DPYD: variants seen among roughly 807,000 people sequenced by gnomAD.
The protein encoded by DPYD is dihydropyrimidine dehydrogenase.
In DPYD, 109 loss-of-function variants were observed where a neutral mutation model predicts 116.2. That is an observed-to-expected ratio of 0.94 (90% CI 0.80 to 1.10). DPYD has a LOEUF of 1.10. DPYD is among the 50% of genes least tolerant of loss of function. The pLI is 0.00. For missense variants in DPYD, 1,302 were observed against 1,254.5 expected, an observed-to-expected ratio of 1.04 and a Z score of -0.57; for synonymous variants, 440 against 432.0, an observed-to-expected ratio of 1.02 and a Z score of -0.23.
At chr1:97,555,418 T>A (rs1005411600) in intron 11 of DPYD, among the ~76,000 whole-genome samples, 1 of 152,160 alleles carries the variant, frequency 6.6e-6, no homozygotes, top group African/African-American at 2.4e-5. Flanking sequence ...GATTATAACC[T>A]GTATGCTCTA....
chr1:97,489,384 T>C (rs982381539), intron 13 of DPYD, among the ~76,000 whole-genome samples: 39 of 152,170 alleles, frequency 2.6e-4, no homozygotes, highest in African/African-American at 8.9e-4. Context: ...CTATACACAA[T>C]ACTCCCAGAG....
chr1:97,747,283 T>C (rs1363307447), intron 3 of DPYD, among the ~76,000 whole-genome samples: 5 of 152,146 alleles, frequency 3.3e-5, no homozygotes, highest in African/African-American at 7.2e-5. Flanking sequence ...AGTAGATATG[T>C]TGGCACTAAA....
intron 2 of DPYD, among the ~76,000 whole-genome samples, chr1:97,861,175 T>C (rs965354595): frequency 1.3e-5 from 2 of 152,008 alleles, no homozygotes; most frequent in South Asian, 2.1e-4. Context: ...AACTATTTTG[T>C]ACTAGTAAAA....
intron 13 of DPYD, among the ~76,000 whole-genome samples, chr1:97,474,027 A>G (rs1340608278): frequency 2.6e-5 from 4 of 151,522 alleles, no homozygotes; most frequent in Admixed American, 6.6e-5. Context: ...AAAAAAAAAA[A>G]AAAAAGGAAA....
chr1:97,721,011 T>C (rs1358175861), intron 5 of DPYD: 2 of 1,522,446 alleles, frequency 1.3e-6, no homozygotes, highest in African/African-American at 2.8e-5. Context: ...TTCCAATCTA[T>C]AAGTTCACAA....
chr1:97,226,359 C>T (rs114837435), intron 19 of DPYD, among the ~76,000 whole-genome samples: 1,573 of 152,086 alleles, frequency 0.01, 24 homozygotes, highest in African/African-American at 0.036. Context: ...CTCATTTTTA[C>T]TCCACATAGT....
chr1:97,684,093 C>T (rs1262538240), intron 7 of DPYD, among the ~76,000 whole-genome samples: 1 of 152,136 alleles, frequency 6.6e-6, no homozygotes, highest in Non-Finnish European at 1.5e-5. Flanking sequence ...GGATATTTTT[C>T]TCTTGCTTGT....
chr1:97,900,878 TGC>T (rs1302529313), intron 1 of DPYD, among the ~76,000 whole-genome samples: 2 of 151,850 alleles, frequency 1.3e-5, no homozygotes, highest in Admixed American at 1.3e-4. Flanking sequence ...AGATACACCA[TGC>T]AAAACACCCT....
At chr1:97,155,125 G>A (rs1034829605) in intron 20 of DPYD, among the ~76,000 whole-genome samples, 38 of 152,102 alleles carry the variant, frequency 2.5e-4, no homozygotes, top group Admixed American at 3.9e-4. Context: ...ACGTATATGT[G>A]GCCTGAATAG....
chr1:97,415,756 C>A (rs2101681368), intron 14 of DPYD, among the ~76,000 whole-genome samples: 1 of 152,308 alleles, frequency 6.6e-6, no homozygotes, highest in Non-Finnish European at 1.5e-5. Context: ...ATCATCCATT[C>A]TCTGTGATAA....
At chr1:97,411,749 GC>G (rs1450217462) in intron 14 of DPYD, among the ~76,000 whole-genome samples, 24 of 152,146 alleles carry the variant, frequency 1.6e-4, no homozygotes, top group Non-Finnish European at 2.9e-4. Flanking sequence ...CTTCTCAGAA[GC>G]ATGACAAAGT....
chr1:97,745,194 T>A (rs1664481926), intron 3 of DPYD, among the ~76,000 whole-genome samples: 1 of 152,094 alleles, frequency 6.6e-6, no homozygotes, highest in African/African-American at 2.4e-5. Flanking sequence ...TAAATATGCA[T>A]CTTGGCTCAG....
At chr1:97,907,035 T>C (rs1673664488) in intron 1 of DPYD, among the ~76,000 whole-genome samples, 1 of 152,018 alleles carries the variant, frequency 6.6e-6, no homozygotes, top group Admixed American at 6.6e-5. Context: ...GGTTACTAAG[T>C]GACTAGCAGG....
At chr1:97,668,738 G>C (rs1220139397) in intron 8 of DPYD, among the ~76,000 whole-genome samples, 2 of 151,890 alleles carry the variant, frequency 1.3e-5, no homozygotes, top group African/African-American at 4.8e-5. Context: ...CTTAACCAGG[G>C]AGAAATTAAA....
At chr1:97,825,920 G>A (rs1021063290) in intron 3 of DPYD, among the ~76,000 whole-genome samples, 1 of 152,018 alleles carries the variant, frequency 6.6e-6, no homozygotes, top group African/African-American at 2.4e-5. Flanking sequence ...AGCATATTCC[G>A]AACACATTTT....
chr1:97,360,354 T>A (rs1670654026), intron 16 of DPYD, among the ~76,000 whole-genome samples: 1 of 152,096 alleles, frequency 6.6e-6, no homozygotes, highest in South Asian at 2.1e-4. Flanking sequence ...AATGGGAGAT[T>A]TTAACACCCC....
intron 8 of DPYD, among the ~76,000 whole-genome samples, chr1:97,623,719 A>C (rs1343400923): frequency 6.6e-6 from 1 of 152,038 alleles, no homozygotes; most frequent in Non-Finnish European, 1.5e-5. Flanking sequence ...ACATTACCTG[A>C]TTTCAAACTA....
At chr1:97,114,114 C>T (rs1651794046) in intron 20 of DPYD, among the ~76,000 whole-genome samples, 1 of 152,036 alleles carries the variant, frequency 6.6e-6, no homozygotes, top group South Asian at 2.1e-4. Flanking sequence ...CAAAATTTGC[C>T]ATCATAGAAA....
intron 20 of DPYD, among the ~76,000 whole-genome samples, chr1:97,180,007 A>G (rs1247823065): frequency 6.6e-6 from 1 of 152,178 alleles, no homozygotes; most frequent in Non-Finnish European, 1.5e-5. Context: ...GGGCAACTGA[A>G]GATATCCTCA....
Sources: gnomAD v4.1 joint callset for allele counts (sites outside exome capture counted in the v4.1 genomes callset) on GRCh38, gnomAD v4.1.1 for gene constraint, MANE v1.5 for transcripts, NCBI Gene and HGNC (gene_info 2026-07-23, HGNC 2026-07-21) for gene names.